CNTN3: variants seen among roughly 807,000 people sequenced by gnomAD.
CNTN3 encodes the protein contactin-3.
CNTN3 carries 60 observed loss-of-function variants against 119.1 expected under a neutral mutation model. The observed-to-expected ratio is 0.50, with a 90% CI of 0.41 to 0.62. The LOEUF is 0.62. Among genes scored for constraint, CNTN3 ranks in the 20% least tolerant of loss-of-function variants. The pLI is 0.00. For synonymous variants in CNTN3, 450 were observed against 438.7 expected (o/e 1.03, Z -0.32); for missense variants, 1,101 against 1,242.4 (o/e 0.89, Z 1.71).
chr3:74,299,737 C>T (rs72892515), intron 17 of CNTN3, 131 bp downstream of exon 17: 13,827 of 612,538 alleles, frequency 0.023, 983 homozygotes, highest in African/African-American at 0.17. Context: ...CCACCAGCAG[C>T]AGCAGCACCC....
intron 4 of CNTN3, among the ~76,000 whole-genome samples, chr3:74,429,459 A>G (rs970736642): frequency 3.9e-5 from 6 of 152,122 alleles, no homozygotes; most frequent in African/African-American, 1.4e-4. Context: ...AAATCGACCT[A>G]AACTTTACTC....
chr3:74,327,105 CCT>C (rs544575020), intron 13 of CNTN3, among the ~76,000 whole-genome samples: 3,624 of 90,614 alleles, frequency 0.04, 18 homozygotes, highest in East Asian at 0.11. Flanking sequence ...AAGGGTTAAT[CCT>C]TTTTTTTTTT....
intron 19 of CNTN3, among the ~76,000 whole-genome samples, chr3:74,290,180 C>A (rs1702196186): frequency 6.6e-6 from 1 of 152,130 alleles, no homozygotes; most frequent in Non-Finnish European, 1.5e-5. Flanking sequence ...TCGTAGAGTG[C>A]AATTATGCGA....
At chr3:74,292,965 T>G (rs1424769967) in intron 19 of CNTN3, among the ~76,000 whole-genome samples, 1 of 152,244 alleles carries the variant, frequency 6.6e-6, no homozygotes, top group Admixed American at 6.5e-5. Flanking sequence ...TGGCTTCCTT[T>G]AAAAGATGTG....
intron 1 of CNTN3, among the ~76,000 whole-genome samples, chr3:74,586,410 T>A (rs1309386606): frequency 7.2e-5 from 11 of 152,180 alleles, no homozygotes; most frequent in Admixed American, 7.2e-4. Context: ...GTAGAATTAA[T>A]ACGCCTTCTC....
chr3:74,419,448 G>T (rs1203253973), intron 5 of CNTN3, among the ~76,000 whole-genome samples: 1 of 152,054 alleles, frequency 6.6e-6, no homozygotes, highest in East Asian at 1.9e-4. Flanking sequence ...CATGCCATCT[G>T]GGCATGTTGC....
chr3:74,575,606 AACAC>A lies in CNTN3; in HGVS notation c.-81+38781_-81+38784del, dbSNP rs71129762. Among the ~76,000 whole-genome samples, 496 of 135,168 alleles carry A rather than the reference AACAC, an allele frequency of 3.7e-3. 1 individual carries two copies. The highest frequency in any genetic ancestry group is 5.5e-3 in the Non-Finnish European group (351 of 64,212). 88.7% of individuals were successfully genotyped at this position (135,168 alleles called of 152,430 possible). ...ATTCATTTCCTCTTCAGTCTCTCCC[AACAC>A]ACACACACACACACACACACACACA... On this transcript the variant is annotated intron_variant, in intron 1 of 22. Transcript: ENST00000263665.
intron 1 of CNTN3, among the ~76,000 whole-genome samples, chr3:74,576,339 A>G (rs1357209650): frequency 6.6e-6 from 1 of 152,176 alleles, no homozygotes; most frequent in African/African-American, 2.4e-5. Flanking sequence ...TCCCATCTCC[A>G]TAGCCTCTTC....
rs550056428 is a variant in CNTN3, at chr3:74,365,650, G to A, written c.999C>T (p.Asp333=). 8.7e-6 allele frequency: 14 copies of A among 1,613,394 alleles called. No homozygotes were observed. The South Asian group carries it at 1.5e-4, about 18-fold the overall frequency. The stretch of plus-strand genomic sequence containing the variant: ...TTGCCCTGCATTCCCAATAAAGACT[G>A]TCCTCCACGGCTATTTCCACATCCT... ...LIKDVEIAVE[D]SLYWECRASG... Residue 333 remains aspartate (D), a synonymous_variant, in exon 9 of 23, where the codon GAC becomes GAT. Transcript: ENST00000263665.
chr3:74,529,471 GA>G (rs1424551467), intron 1 of CNTN3, among the ~76,000 whole-genome samples: 2 of 148,244 alleles, frequency 1.3e-5, no homozygotes, highest in African/African-American at 4.9e-5. Context: ...TTCACTTTTA[GA>G]ATTAAAATGT....
At chr3:74,317,821 G>A (rs1702874202) in intron 13 of CNTN3, among the ~76,000 whole-genome samples, 1 of 152,084 alleles carries the variant, frequency 6.6e-6, no homozygotes, top group Non-Finnish European at 1.5e-5. Flanking sequence ...GTGTCTTGGA[G>A]TTGCTCTTCT....
At chr3:74,267,210 C>T in intron 21 of CNTN3, 56 bp downstream of exon 21, 2 of 1,093,336 alleles carry the variant, frequency 1.8e-6, no homozygotes, top group Non-Finnish European at 2.8e-6. Flanking sequence ...CCTAGCTTCT[C>T]TTGAAAAGTA....
intron 5 of CNTN3, among the ~76,000 whole-genome samples, chr3:74,391,907 C>T (rs1704919819): frequency 6.6e-6 from 1 of 152,130 alleles, no homozygotes; most frequent in South Asian, 2.1e-4. Context: ...ATCAGCCCAC[C>T]TCGGTCTCCC....
At chr3:74,586,213 C>T (rs1704589899) in intron 1 of CNTN3, among the ~76,000 whole-genome samples, 1 of 152,076 alleles carries the variant, frequency 6.6e-6, no homozygotes, top group African/African-American at 2.4e-5. Context: ...GAGAAAACCT[C>T]TTATGAAAAT....
At chr3:74,290,615 C>A (rs1301936103) in intron 19 of CNTN3, among the ~76,000 whole-genome samples, 1 of 152,234 alleles carries the variant, frequency 6.6e-6, no homozygotes, top group Non-Finnish European at 1.5e-5. Flanking sequence ...GTCATGATTT[C>A]TGTAAAGGAC....
intron 1 of CNTN3, among the ~76,000 whole-genome samples, chr3:74,529,563 A>C (rs958494550): frequency 1.3e-5 from 2 of 151,930 alleles, no homozygotes; most frequent in African/African-American, 4.8e-5. Context: ...GAAACTACTG[A>C]GAGGTTACCA....
chr3:74,376,663 T>G (rs1029032417), intron 5 of CNTN3, among the ~76,000 whole-genome samples: 1 of 152,138 alleles, frequency 6.6e-6, no homozygotes, highest in African/African-American at 2.4e-5. Context: ...ATAAATGTAA[T>G]GTGCTTGAAT....
intron 4 of CNTN3, among the ~76,000 whole-genome samples, chr3:74,448,749 A>G (rs1362182908): frequency 6.6e-6 from 1 of 152,146 alleles, no homozygotes; most frequent in Non-Finnish European, 1.5e-5. Context: ...GGCTATGTTT[A>G]ATAAAATGCC....
chr3:74,431,905 C>T (rs76674057), intron 4 of CNTN3, among the ~76,000 whole-genome samples: 3,151 of 152,198 alleles, frequency 0.021, 91 homozygotes, highest in African/African-American at 0.067. Flanking sequence ...TGGATGTGAG[C>T]CTTACTACTT....
Sources: gnomAD v4.1 joint callset for allele counts (sites outside exome capture counted in the v4.1 genomes callset) on GRCh38, gnomAD v4.1.1 for gene constraint, MANE v1.5 for transcripts, NCBI Gene and HGNC (gene_info 2026-07-23, HGNC 2026-07-21) for gene names.